GPC5: variants seen among roughly 807,000 people sequenced by gnomAD.
GPC5 encodes glypican 5.
GPC5 carries 47 observed loss-of-function variants against 53.9 expected under a neutral mutation model. The observed-to-expected ratio is 0.87, with a 90% CI of 0.69 to 1.11. The LOEUF (loss-of-function observed/expected upper bound fraction) is 1.11, where lower values mean the gene tolerates loss of function less well. Ranked by LOEUF, GPC5 falls within the 50% of genes most tolerant of loss-of-function variation. GPC5 has a pLI of 0.00. For missense variants in GPC5, 748 were observed against 713.1 expected (o/e 1.05, Z -0.56); for synonymous variants, 286 against 263.3 (o/e 1.09, Z -0.84).
intron 7 of GPC5, among the ~76,000 whole-genome samples, chr13:92,257,279 A>C (rs1401196985): frequency 6.6e-6 from 1 of 152,058 alleles, no homozygotes; most frequent in African/African-American, 2.4e-5. Context: ...TAATCAAACA[A>C]AGCAAAATAG....
At chr13:91,626,522 T>C (rs561087005) in intron 2 of GPC5, among the ~76,000 whole-genome samples, 2 of 152,274 alleles carry the variant, frequency 1.3e-5, no homozygotes, top group East Asian at 3.9e-4. Flanking sequence ...CAGGAAGATA[T>C]ATTATGGGAG....
At chr13:91,483,335 G>T (rs142887859) in intron 2 of GPC5, among the ~76,000 whole-genome samples, 1 of 152,136 alleles carries the variant, frequency 6.6e-6, no homozygotes, top group African/African-American at 2.4e-5. Context: ...GTATGTTAGC[G>T]CTGGAATTGT....
intron 7 of GPC5, among the ~76,000 whole-genome samples, chr13:92,530,277 G>A (rs1196110289): frequency 6.6e-6 from 1 of 151,936 alleles, no homozygotes; most frequent in Admixed American, 6.6e-5. Flanking sequence ...TTTTCATCAC[G>A]CATTAGTTCA....
intron 6 of GPC5, among the ~76,000 whole-genome samples, chr13:92,090,049 T>G (rs7329521): frequency 0.052 from 7,877 of 152,258 alleles, 676 homozygotes; most frequent in African/African-American, 0.18. Flanking sequence ...TGAAAAAGTA[T>G]GTATGGAAGT....
In GPC5 at chr13:92,269,669, G is replaced by A. The variant is rs187030840; in HGVS notation, c.1561+124680G>A. 4.2e-3 allele frequency among the ~76,000 whole-genome samples: 647 copies of A among 152,258 alleles called. 6 individuals are homozygous for A. Among genetic ancestry groups the A allele is most frequent in the African/African-American group, 0.015 (622 of 41,538 alleles). ...GATCTGCCCGCCTCAGCCTCCCAAA[G>A]TGCTGGGATTACAGGCGTGAGCCAC... On this transcript the variant is annotated intron_variant, in intron 7 of 7. Coordinates refer to ENST00000377067, the MANE Select transcript of GPC5 (RefSeq NM_004466.6).
intron 7 of GPC5, among the ~76,000 whole-genome samples, chr13:92,342,789 T>C (rs1433825011): frequency 6.6e-6 from 1 of 152,160 alleles, no homozygotes; most frequent in African/African-American, 2.4e-5. Flanking sequence ...TTTAAGATAA[T>C]GTTCTAATTT....
chr13:91,609,133 G>T (rs2033468005), intron 2 of GPC5, among the ~76,000 whole-genome samples: 1 of 149,680 alleles, frequency 6.7e-6, no homozygotes, highest in Non-Finnish European at 1.5e-5. Flanking sequence ...TTTTGTTGAA[G>T]AGGTTCTATC....
chr13:92,332,759 T>C (rs1437562377), intron 7 of GPC5, among the ~76,000 whole-genome samples: 1 of 152,320 alleles, frequency 6.6e-6, no homozygotes, highest in African/African-American at 2.4e-5. Context: ...CACCCTGTTA[T>C]ACTGAATTTG....
chr13:92,356,085 C>A (rs1177730837), intron 7 of GPC5, among the ~76,000 whole-genome samples: 1 of 152,160 alleles, frequency 6.6e-6, no homozygotes, highest in Non-Finnish European at 1.5e-5. Context: ...CAGGGGATAA[C>A]TTCCCTGCTC....
intron 6 of GPC5, among the ~76,000 whole-genome samples, chr13:92,062,342 G>T (rs2041131262): frequency 6.6e-6 from 1 of 151,738 alleles, no homozygotes; most frequent in Admixed American, 6.6e-5. Context: ...CATTTGCATT[G>T]GTTTATTCTG....
intron 7 of GPC5, among the ~76,000 whole-genome samples, chr13:92,160,721 A>C (rs748692859): frequency 6.6e-6 from 1 of 152,218 alleles, no homozygotes; most frequent in African/African-American, 2.4e-5. Flanking sequence ...GGTCTTCCAT[A>C]GAGCCAACTC....
At chr13:92,804,729 C>T (rs1389954878) in intron 7 of GPC5, among the ~76,000 whole-genome samples, 2 of 152,012 alleles carry the variant, frequency 1.3e-5, no homozygotes, top group African/African-American at 4.8e-5. Context: ...CAAAATATTT[C>T]TCTACAGCAT....
intron 6 of GPC5, among the ~76,000 whole-genome samples, chr13:92,036,751 C>A (rs1386396310): frequency 6.6e-6 from 1 of 152,180 alleles, no homozygotes. Context: ...CCTTAAACAT[C>A]TCTGTATATT....
intron 7 of GPC5, among the ~76,000 whole-genome samples, chr13:92,279,124 A>G (rs181634558): frequency 4.7e-4 from 71 of 152,138 alleles, no homozygotes; most frequent in African/African-American, 1.6e-3. Context: ...GTTTTGTTCT[A>G]TTAACAATAA....
At chr13:91,896,154 C>T (rs1336290803) in intron 5 of GPC5, among the ~76,000 whole-genome samples, 1 of 140,598 alleles carries the variant, frequency 7.1e-6, no homozygotes, top group Non-Finnish European at 1.5e-5. Flanking sequence ...GAGTCTCGCT[C>T]TATCATCCAG....
intron 7 of GPC5, among the ~76,000 whole-genome samples, chr13:92,202,198 A>C (rs1170150814): frequency 6.6e-6 from 1 of 152,250 alleles, no homozygotes; most frequent in Non-Finnish European, 1.5e-5. Flanking sequence ...CTTGGTCATT[A>C]GTAATTTTCA....
chr13:92,160,931 G>A (rs929308686), intron 7 of GPC5, among the ~76,000 whole-genome samples: 13 of 152,090 alleles, frequency 8.5e-5, no homozygotes, highest in Admixed American at 2.0e-4. Context: ...ATGGTCAAGC[G>A]TCTCTTCAAC....
At chr13:92,467,180 A>G (rs1371407393) in intron 7 of GPC5, among the ~76,000 whole-genome samples, 1 of 152,158 alleles carries the variant, frequency 6.6e-6, no homozygotes, top group Non-Finnish European at 1.5e-5. Flanking sequence ...AAGACTGCTT[A>G]GAGAGCTAAT....
At chr13:91,808,502 C>T (rs1412373708) in intron 5 of GPC5, among the ~76,000 whole-genome samples, 2 of 152,112 alleles carry the variant, frequency 1.3e-5, no homozygotes, top group Non-Finnish European at 2.9e-5. Flanking sequence ...TTTGAAATCT[C>T]CTGGCCTCTT....
Sources: allele counts gnomAD v4.1 joint callset (sites outside exome capture counted in the v4.1 genomes callset), GRCh38; gene constraint gnomAD v4.1.1; transcripts MANE v1.5; gene names NCBI Gene and HGNC (gene_info 2026-07-23, HGNC 2026-07-21).